Variants in ANKRD45 observed in about 807,000 individuals in gnomAD.
ANKRD45 encodes ankyrin repeat domain-containing protein 45.
ANKRD45 carries 21 observed loss-of-function variants against 28.1 expected under a neutral mutation model. The observed-to-expected ratio is 0.75, with a 90% CI of 0.53 to 1.08. The LOEUF is 1.08. Among genes scored for constraint, ANKRD45 ranks in the 50% least tolerant of loss-of-function variants. The probability of loss-of-function intolerance (pLI) is 0.00; values close to 1 mark genes in which losing one functional copy is unlikely to be tolerated. For missense variants in ANKRD45, 261 were observed against 308.7 expected (o/e 0.85, Z 1.16); for synonymous variants, 86 against 103.9 (o/e 0.83, Z 1.05).
chr1:173,619,687 G>A (rs1667619075), intron 5 of ANKRD45, among the ~76,000 whole-genome samples: 1 of 152,018 alleles, frequency 6.6e-6, no homozygotes, highest in Non-Finnish European at 1.5e-5. Flanking sequence ...AATTAGCCAG[G>A]TGTGGAAGTG....
rs1049590164 is a variant in ANKRD45 at position 173,610,072 on chromosome 1, C to A, written c.*73G>T. The A allele has an allele frequency of 4.9e-6, 7 of 1,436,036 alleles. No individual in the cohort carries two copies. Among genetic ancestry groups the A allele is most frequent in the Non-Finnish European group, 6.8e-6 (7 of 1,029,726 alleles). The allele number at this position is 1,436,036 out of a possible 1,614,324, so 89.0% of individuals were successfully genotyped here. ...TTAAAGAAACCCACATCTGTTTTCTCGATTTCAAATGGCATGAATAGGTTT... is the reference window on the plus strand; with the variant it reads ...TTAAAGAAACCCACATCTGTTTTCTAGATTTCAAATGGCATGAATAGGTTT... On this transcript the variant is annotated 3_prime_UTR_variant, in exon 6 of 6. Coordinates refer to ENST00000333279, the MANE Select transcript of ANKRD45 (RefSeq NM_198493.3).
At chr1:173,687,940 A>G in the ANKRD45 span, among the ~76,000 whole-genome samples, 2 of 151,406 alleles carry the variant, frequency 1.3e-5, no homozygotes, top group Admixed American at 1.3e-4. Flanking sequence ...ATCCCCTGCT[A>G]GGAAACCTGC....
chr1:173,672,933 G>A (rs1431192085), upstream of ANKRD45, among the ~76,000 whole-genome samples: 1 of 152,130 alleles, frequency 6.6e-6, no homozygotes, highest in Non-Finnish European at 1.5e-5. Context: ...AAGGCCTGGT[G>A]AACAGACAGC....
intron 3 of ANKRD45, chr1:173,635,633 C>T: frequency 2.6e-6 from 4 of 1,535,538 alleles, no homozygotes; most frequent in Non-Finnish European, 3.5e-6. Context: ...ATGGGAGATT[C>T]TTCCAGAAGA....
chr1:173,706,815 G>A, the ANKRD45 span, among the ~76,000 whole-genome samples: 1 of 152,108 alleles, frequency 6.6e-6, no homozygotes, highest in Non-Finnish European at 1.5e-5. Context: ...GTTTCCTCAG[G>A]ATAATGGAAA....
chr1:173,699,523 C>A, the ANKRD45 span, among the ~76,000 whole-genome samples: 2 of 152,074 alleles, frequency 1.3e-5, no homozygotes, highest in Non-Finnish European at 2.9e-5. Flanking sequence ...TCCACATACA[C>A]AAATCAATAA....
At chr1:173,652,777 T>C (rs1214098530) in intron 2 of ANKRD45, among the ~76,000 whole-genome samples, 2 of 152,234 alleles carry the variant, frequency 1.3e-5, no homozygotes, top group South Asian at 2.1e-4. Flanking sequence ...TTTCAGATCC[T>C]GTTATTGGTC....
intron 4 of ANKRD45, among the ~76,000 whole-genome samples, chr1:173,626,576 A>T (rs568220144): frequency 1.9e-4 from 29 of 152,296 alleles, no homozygotes; most frequent in African/African-American, 6.7e-4. Context: ...CAGAACCAGA[A>T]CACTACCAGT....
intron 3 of ANKRD45, among the ~76,000 whole-genome samples, chr1:173,632,380 T>C (rs1351149148): frequency 6.6e-6 from 1 of 151,900 alleles, no homozygotes; most frequent in Non-Finnish European, 1.5e-5. Flanking sequence ...CAGGACCCAA[T>C]AGCTTCATGC....
At chr1:173,643,192 G>A (rs79175206) in intron 3 of ANKRD45, among the ~76,000 whole-genome samples, 2 of 51,766 alleles carry the variant, frequency 3.9e-5, no homozygotes, top group Non-Finnish European at 7.9e-5. Flanking sequence ...TTTTTTTTTT[G>A]AGACAGAGTC....
At chr1:173,709,544 G>A in the ANKRD45 span, among the ~76,000 whole-genome samples, 3 of 152,120 alleles carry the variant, frequency 2.0e-5, no homozygotes, top group African/African-American at 7.2e-5. Flanking sequence ...AACACCAAGA[G>A]GCATAGAAGA....
the ANKRD45 span, among the ~76,000 whole-genome samples, chr1:173,683,455 A>C: frequency 5.9e-5 from 9 of 152,134 alleles, no homozygotes; most frequent in Non-Finnish European, 2.9e-5. Flanking sequence ...AACAACAACA[A>C]AAAGAGTTGT....
the ANKRD45 span, among the ~76,000 whole-genome samples, chr1:173,698,918 G>C: frequency 6.6e-6 from 1 of 151,134 alleles, no homozygotes; most frequent in Non-Finnish European, 1.5e-5. Flanking sequence ...AATTGATAGA[G>C]TGATAGCAAG....
chr1:173,613,180 G>A (rs1667257674), intron 5 of ANKRD45, among the ~76,000 whole-genome samples: 1 of 151,534 alleles, frequency 6.6e-6, no homozygotes, highest in African/African-American at 2.4e-5. Flanking sequence ...CGTCTGAGAT[G>A]CGGGGAGCAC....
the ANKRD45 span, among the ~76,000 whole-genome samples, chr1:173,679,632 T>C: frequency 6.6e-6 from 1 of 152,202 alleles, no homozygotes; most frequent in Admixed American, 6.5e-5. Flanking sequence ...GACATGGGCA[T>C]GGACAAAGAC....
chr1:173,670,928 G>T (rs1051076280), upstream of ANKRD45, among the ~76,000 whole-genome samples: 1 of 152,096 alleles, frequency 6.6e-6, no homozygotes, highest in Non-Finnish European at 1.5e-5. Context: ...TTTTAATAAC[G>T]GTCTTGCAAG....
chr1:173,614,966 G>A (rs932862347), intron 5 of ANKRD45, among the ~76,000 whole-genome samples: 5 of 151,948 alleles, frequency 3.3e-5, no homozygotes, highest in African/African-American at 9.7e-5. Flanking sequence ...ACAGGTGCAC[G>A]CCACCGCATC....
Position 173,609,450 on chromosome 1 carries a change from C to T in ANKRD45, c.*695G>A, listed in dbSNP as rs1044662089. ...GCTTTCCAAACCACCAATATGAAAC[C>T]AACTATCGTACTTAAAACCTAGGAA... On this transcript the variant is annotated 3_prime_UTR_variant, in exon 6 of 6. Transcript: ENST00000333279. 6.6e-6 allele frequency: 1 copy of T among 152,146 alleles called. No individual in the cohort carries two copies. Among genetic ancestry groups the T allele is most frequent in the African/African-American group, 2.4e-5 (1 of 41,428 alleles). The allele number at this position is 152,146 out of a possible 1,614,324, so 9.4% of individuals were successfully genotyped here.
the ANKRD45 span, among the ~76,000 whole-genome samples, chr1:173,714,147 G>A: frequency 6.6e-6 from 1 of 152,094 alleles, no homozygotes; most frequent in African/African-American, 2.4e-5. Context: ...TACTTACCAG[G>A]AAATCAGCAA....
Sources: gnomAD v4.1 joint callset for allele counts (sites outside exome capture counted in the v4.1 genomes callset) on GRCh38, gnomAD v4.1.1 for gene constraint, MANE v1.5 for transcripts, NCBI Gene and HGNC (gene_info 2026-07-23, HGNC 2026-07-21) for gene names.